The following HAO1 variants were observed in gnomAD, a reference collection of about 807,000 sequenced individuals.
HAO1 encodes hydroxyacid oxidase 1.
HAO1 carries 34 observed loss-of-function variants against 39.7 expected under a neutral mutation model. The observed-to-expected ratio is 0.86, with a 90% confidence interval of 0.65 to 1.14. The LOEUF is 1.14. HAO1 is among the 50% of genes most tolerant of loss of function. The probability of loss-of-function intolerance (pLI) is 0.00; values close to 1 mark genes in which losing one functional copy is unlikely to be tolerated. For missense variants in HAO1, 479 were observed against 464.5 expected, an observed-to-expected ratio of 1.03 and a Z score of -0.29; for synonymous variants, 172 against 173.2, an observed-to-expected ratio of 0.99 and a Z score of 0.05.
chr20:7,894,236 G>C (rs746097070), intron 5 of HAO1, among the ~76,000 whole-genome samples: 1 of 152,072 alleles, frequency 6.6e-6, no homozygotes, highest in African/African-American at 2.4e-5. Flanking sequence ...CCCAGTCTCT[G>C]ATCTTAAAAT....
At position 7,885,591 on chromosome 20, in the gene HAO1, C is replaced by G; in HGVS notation, c.973-1G>C. The G allele has an allele frequency of 1.9e-6, 3 of 1,608,528 alleles. No homozygotes were observed. The highest frequency in any genetic ancestry group is 2.6e-6 in the Non-Finnish European group (3 of 1,175,348). On this transcript the variant is annotated splice_acceptor_variant, in intron 6 of 7. Coordinates refer to ENST00000378789, the MANE Select transcript of HAO1 (RefSeq NM_017545.3). LOFTEE classifies it high-confidence loss of function. ...GGACATCTTGAACACCTTTCTCCCC[C>G]TAACCAAGTGAAAAGATACAGAGTG...
chr20:7,906,422 C>A, intron 3 of HAO1, 93 bp from the exon 4 acceptor site: 1 of 726,924 alleles, frequency 1.4e-6, no homozygotes, highest in Non-Finnish European at 2.4e-6. Context: ...CTTTTCAAAT[C>A]AATTGGCTGT....
chr20:7,909,360 CAT>C (rs749171756), intron 3 of HAO1, among the ~76,000 whole-genome samples: 144 of 109,032 alleles, frequency 1.3e-3, no homozygotes, highest in Admixed American at 2.1e-3. Context: ...CGGATTATGA[CAT>C]ATATATATAT....
rs764417339 is a variant in HAO1, at chr20:7,906,263, T to A, written c.612A>T (p.Gly204=). ...TTGCTTTAGCCACATATGCAGCAAG[T>A]CCACTGTCGTCTCCAAAATTTTCCT... The part of the protein sequence containing the change: ...SPEENFGDDS[G]LAAYVAKAID... Residue 204 remains glycine (G), a synonymous_variant, in exon 4 of 8, where the codon GGA becomes GGT. Coordinates refer to ENST00000378789, the MANE Select transcript of HAO1 (RefSeq NM_017545.3). 6.2e-7 allele frequency: 1 copy of A among 1,612,022 alleles called. No individual in the cohort carries two copies. The highest frequency in any genetic ancestry group is 8.5e-7 in the Non-Finnish European group (1 of 1,178,170).
intron 5 of HAO1, among the ~76,000 whole-genome samples, 177 bp from the exon 6 acceptor site, chr20:7,886,041 C>T (rs931000536): frequency 6.6e-6 from 1 of 152,124 alleles, no homozygotes; most frequent in Admixed American, 6.5e-5. Flanking sequence ...ATGCTAGTAA[C>T]TAAAACACCA....
chr20:7,931,446 C>T (rs1295596277), intron 2 of HAO1, among the ~76,000 whole-genome samples: 1 of 152,098 alleles, frequency 6.6e-6, no homozygotes, highest in African/African-American at 2.4e-5. Flanking sequence ...GTCTGAATCC[C>T]ATCTCTATCA....
chr20:7,912,422 C>T (rs144617380), intron 3 of HAO1, among the ~76,000 whole-genome samples: 76 of 152,136 alleles, frequency 5.0e-4, no homozygotes, highest in African/African-American at 1.7e-3. Flanking sequence ...ACAAAAAACC[C>T]TACTGTACTT....
At chr20:7,924,223 GTTGT>G (rs1555774937) in intron 2 of HAO1, among the ~76,000 whole-genome samples, 7 of 149,846 alleles carry the variant, frequency 4.7e-5, no homozygotes, top group Admixed American at 3.3e-4. Context: ...TGTTGTTGTT[GTTGT>G]TTGTTTGTTT....
rs140089872 is a variant in HAO1, at chr20:7,905,402, T to C, written c.721+752A>G. Among the ~76,000 whole-genome samples, 695 of 152,306 alleles carry C rather than the reference T, an allele frequency of 4.6e-3. 4 individuals carry two copies. The highest frequency in any genetic ancestry group is 0.01 in the Middle Eastern group (3 of 294). ...TCAAAGTCATTTAATAGACATACAT[T>C]AATGGACAGACTCTCATCTTAAAGT... On this transcript the variant is annotated intron_variant, in intron 4 of 7. Coordinates refer to ENST00000378789, the MANE Select transcript of HAO1 (RefSeq NM_017545.3).
At chr20:7,898,462 A>T (rs542397458) in intron 4 of HAO1, among the ~76,000 whole-genome samples, 1 of 152,012 alleles carries the variant, frequency 6.6e-6, no homozygotes, top group African/African-American at 2.4e-5. Flanking sequence ...CTGTACTTTA[A>T]TTTCAGTGGA....
In HAO1 at chr20:7,914,218, A is replaced by G; in HGVS notation, c.491T>C (p.Leu164Pro). 6 of 1,614,060 alleles carry G rather than the reference A, an allele frequency of 3.7e-6. No homozygotes were observed. Among genetic ancestry groups the G allele is most frequent in the Non-Finnish European group, 5.1e-6 (6 of 1,179,964 alleles). The stretch of plus-strand genomic sequence containing the variant: ...ACGCACATCATCCAGACGGTTGCCC[A>G]GGTAAGGTGTGTCCACTGTCACAAA... Reference protein sequence around the residue: ...AIFVTVDTPYLGNRLDDVRNR... With the variant: ...AIFVTVDTPYPGNRLDDVRNR... Residue 164 changes from leucine (L) to proline (P), a missense_variant, in exon 3 of 8, where the codon CTG becomes CCG. Transcript: ENST00000378789.
At chr20:7,914,000 G>C (rs960264188) in intron 3 of HAO1, among the ~76,000 whole-genome samples, 164 bp downstream of exon 3, 1 of 152,126 alleles carries the variant, frequency 6.6e-6, no homozygotes, top group African/African-American at 2.4e-5. Context: ...GGCCATTTCT[G>C]TTTCTATTGT....
chr20:7,888,075 C>A (rs921408931), intron 5 of HAO1, among the ~76,000 whole-genome samples: 2 of 152,106 alleles, frequency 1.3e-5, no homozygotes, highest in Non-Finnish European at 2.9e-5. Context: ...TTCCTTAGTG[C>A]TTCTTCGGGC....
In HAO1 at chr20:7,889,304, G is replaced by T. The variant is rs373874306; in HGVS notation, c.814-3440C>A. On this transcript the variant is annotated intron_variant, in intron 5 of 7. Coordinates refer to ENST00000378789, the MANE Select transcript of HAO1 (RefSeq NM_017545.3). ...GCCATTGATAATTTTCACTGTGAAAGAAAGTCATTATTTCTAAGCTTGAGG... is the reference window on the plus strand; with the variant it reads ...GCCATTGATAATTTTCACTGTGAAATAAAGTCATTATTTCTAAGCTTGAGG... Among the ~76,000 whole-genome samples, 601 of 152,110 alleles carry T rather than the reference G, an allele frequency of 4.0e-3. 2 individuals carry two copies. The highest frequency in any genetic ancestry group is 0.013 in the African/African-American group (557 of 41,498).
chr20:7,892,548 A>T (rs1378472479), intron 5 of HAO1, among the ~76,000 whole-genome samples: 2 of 152,208 alleles, frequency 1.3e-5, no homozygotes, highest in Admixed American at 6.5e-5. Flanking sequence ...TAGTTCAGTG[A>T]AACAACAGAC....
intron 5 of HAO1, among the ~76,000 whole-genome samples, chr20:7,893,770 A>C (rs2050184550): frequency 6.6e-6 from 1 of 152,082 alleles, no homozygotes; most frequent in African/African-American, 2.4e-5. Context: ...TTTCAGAGAG[A>C]CTGATTTTAG....
At chr20:7,928,413 GA>G (rs199768622) in intron 2 of HAO1, among the ~76,000 whole-genome samples, 1,983 of 151,502 alleles carry the variant, frequency 0.013, 39 homozygotes, top group African/African-American at 0.043. Context: ...TTTATATACT[GA>G]AAAAAATTGC....
intron 3 of HAO1, among the ~76,000 whole-genome samples, chr20:7,908,882 C>T (rs541108012): frequency 6.6e-6 from 1 of 152,048 alleles, no homozygotes. Flanking sequence ...ACCATGGAGA[C>T]CTATTTCATT....
intron 1 of HAO1, among the ~76,000 whole-genome samples, chr20:7,935,855 A>G (rs1346720727): frequency 2.0e-5 from 3 of 152,232 alleles, no homozygotes; most frequent in Non-Finnish European, 2.9e-5. Context: ...TATTTCTAGT[A>G]TGCATGAGTA....
Sources: allele counts gnomAD v4.1 joint callset (sites outside exome capture counted in the v4.1 genomes callset), GRCh38; gene constraint gnomAD v4.1.1; transcripts MANE v1.5; gene names NCBI Gene and HGNC (gene_info 2026-07-23, HGNC 2026-07-21).